The following SLC22A6 variants were observed in gnomAD, a reference collection of about 807,000 sequenced individuals.
The protein encoded by SLC22A6 is PAH transporter.
SLC22A6 carries 45 observed loss-of-function variants against 56.7 expected under a neutral mutation model. That is an observed-to-expected ratio of 0.79 (90% CI 0.63 to 1.02). The LOEUF is 1.02. SLC22A6 is among the 50% of genes least tolerant of loss of function. The pLI, the probability that SLC22A6 is intolerant of heterozygous loss-of-function variation, is 0.00. For synonymous variants in SLC22A6, 291 were observed against 295.9 expected, an observed-to-expected ratio of 0.98 and a Z score of 0.17; for missense variants, 606 against 713.8, an observed-to-expected ratio of 0.85 and a Z score of 1.72.
chr11:62,984,015 G>A lies in SLC22A6; in HGVS notation c.402C>T (p.Arg134=). ...WDLVCSHRAL[R]QLAQSLYMVG... is the part of the protein sequence containing the mutation. Reference sequence around the variant, plus strand: ...CCATGTACAAGGACTGGGCCAGCTGGCGTAGGGCCCTGTGAGAGCACACAA... The same window carrying A: ...CCATGTACAAGGACTGGGCCAGCTGACGTAGGGCCCTGTGAGAGCACACAA... The change falls in exon 2 of 10, where the codon CGC becomes CGT. Residue 134 remains arginine, a synonymous_variant. Transcript: ENST00000360421. 2 of 1,613,794 alleles carry A rather than the reference G, an allele frequency of 1.2e-6. No homozygotes were observed. Among genetic ancestry groups the A allele is most frequent in the Non-Finnish European group, 1.7e-6 (2 of 1,179,814 alleles).
chr11:62,983,428 G>A lies in SLC22A6; in HGVS notation c.628+109C>T. On this transcript the variant is annotated intron_variant, in intron 3 of 9. Coordinates refer to ENST00000360421, the MANE Select transcript of SLC22A6 (RefSeq NM_153276.3). This position sits in a 1 kb window ranked among gnomAD's most constrained non-coding sequence, Gnocchi z 4.5. Reference sequence around the variant, plus strand: ...ATTGGCAGGAAGGTGAGACCCGAGAGAGGCTGGAGGGCAGGCAGGGCTCAG... The same window carrying A: ...ATTGGCAGGAAGGTGAGACCCGAGAAAGGCTGGAGGGCAGGCAGGGCTCAG... 1 of 1,131,658 alleles carries A rather than the reference G, an allele frequency of 8.8e-7. No individual in the cohort carries two copies. Among genetic ancestry groups the A allele is most frequent in the Admixed American group, 2.4e-5 (1 of 41,282 alleles). 70.1% of individuals were successfully genotyped at this position (1,131,658 alleles called of 1,614,324 possible).
In SLC22A6 at chr11:62,981,309, ACT is replaced by A. The variant is rs757572823; in HGVS notation, c.870_871del (p.Arg290SerfsTer60). ...TTCCCGCTTCCCATTGATCCGGGCGACTCTCTGCAGGGCCCTCAGGGTGAGGT... is the reference window on the plus strand; with the variant it reads ...TTCCCGCTTCCCATTGATCCGGGCGACTCTGCAGGGCCCTCAGGGTGAGGT... On this transcript the variant is annotated frameshift_variant, in exon 5 of 10. Transcript: ENST00000360421. LOFTEE classifies it high-confidence loss of function. 3 of 1,602,294 alleles carry A rather than the reference ACT, an allele frequency of 1.9e-6. No individual in the cohort carries two copies. Among genetic ancestry groups the A allele is most frequent in the Non-Finnish European group, 2.6e-6 (3 of 1,176,050 alleles).
At position 62,976,848 on chromosome 11, in the gene SLC22A6, G is replaced by C; in HGVS notation, c.1599C>G (p.His533Gln). Residue 533 changes from histidine (H) to glutamine (Q), a missense_variant, in exon 10 of 10, where the codon CAC (histidine) becomes CAG (glutamine). Transcript: ENST00000360421. Reference sequence around the variant, plus strand: ...CCTGCAGTGGGACCATATACTTCTGGTGCTCTTGTTGCTGTCGCGTCTGTT... The same window carrying C: ...CCTGCAGTGGGACCATATACTTCTGCTGCTCTTGTTGCTGTCGCGTCTGTT... ...KGKQTRQQQE[H>Q]QKYMVPLQAS... 1 of 1,614,058 alleles carries C rather than the reference G, an allele frequency of 6.2e-7. No homozygotes were observed. The highest frequency in any genetic ancestry group is 8.5e-7 in the Non-Finnish European group (1 of 1,179,984).
Position 62,984,685 on chromosome 11 carries a change from G to A in SLC22A6, c.6C>T (p.Ala2=), listed in dbSNP as rs781303443. 2 of 1,612,410 alleles carry A rather than the reference G, an allele frequency of 1.2e-6. No individual in the cohort carries two copies. Residue 2 remains alanine (A), a synonymous_variant, in exon 1 of 10, where the codon GCC becomes GCT. Coordinates refer to ENST00000360421, the MANE Select transcript of SLC22A6 (RefSeq NM_153276.3). M[A]FNDLLQQVGG... is the part of the protein sequence containing the mutation. ...CCACCTGCTGCAGGAGGTCATTAAA[G>A]GCCATTGGGCCAGGCCCAGCCCAGT... is the stretch of plus-strand genomic sequence containing the variant.
At chr11:62,980,545 G>T (rs2086241080) in intron 6 of SLC22A6, among the ~76,000 whole-genome samples, 1 of 152,222 alleles carries the variant, frequency 6.6e-6, no homozygotes, top group South Asian at 2.1e-4. Flanking sequence ...GTGTTGCAAA[G>T]GGAAAGGAAG....
At chr11:62,980,924 T>A (rs901732353) in intron 6 of SLC22A6, 61 bp downstream of exon 6, 2 of 1,381,398 alleles carry the variant, frequency 1.4e-6, no homozygotes, top group Non-Finnish European at 2.0e-6. Context: ...CTTTCACCCA[T>A]TGTGTCTCCT....
rs2086192634 is a variant in SLC22A6 at position 62,976,758 on chromosome 11, C to T, written c.*36G>A. ...TGGCCGGAGACCTGTAGGACCTTCC[C>T]TCCCTTTAGGGTTCTGTAAGGCCCC... is the stretch of plus-strand genomic sequence containing the variant. On this transcript the variant is annotated 3_prime_UTR_variant, in exon 10 of 10. Coordinates refer to ENST00000360421, the MANE Select transcript of SLC22A6 (RefSeq NM_153276.3). 1.3e-6 allele frequency: 2 copies of T among 1,564,864 alleles called. No homozygotes were observed. The highest frequency in any genetic ancestry group is 8.7e-7 in the Non-Finnish European group (1 of 1,144,454).
rs760201276 is a variant in SLC22A6, at chr11:62,977,293, G to T, written c.1456C>A (p.Pro486Thr). 6.2e-7 allele frequency: 1 copy of T among 1,613,946 alleles called. No individual in the cohort carries two copies. The highest frequency in any genetic ancestry group is 1.3e-5 in the African/African-American group (1 of 74,940). ...GGAACAGCACCGTAGATGAAGAGAG[G>T]CATGGAGGGGTAGAGCTCGGCAGTC... ...SMTAELYPSM[P>T]LFIYGAVPVA... The change falls in exon 9 of 10, where the codon CCT becomes ACT. Residue 486 changes from proline (P) to threonine (T), a missense_variant. Coordinates refer to ENST00000360421, the MANE Select transcript of SLC22A6 (RefSeq NM_153276.3).
chr11:62,977,597 C>T (rs2086205484), intron 8 of SLC22A6, among the ~76,000 whole-genome samples: 1 of 152,062 alleles, frequency 6.6e-6, no homozygotes, highest in African/African-American at 2.4e-5. Flanking sequence ...GTCTTAAACT[C>T]CTGGGCTCAA....
At chr11:62,978,432 C>A (rs561168567) in intron 8 of SLC22A6, among the ~76,000 whole-genome samples, 13 of 151,706 alleles carry the variant, frequency 8.6e-5, no homozygotes, top group African/African-American at 3.1e-4. Flanking sequence ...ATTGCAACCT[C>A]CGCCTCCCAG....
intron 4 of SLC22A6, 82 bp from the exon 5 acceptor site, chr11:62,981,465 G>A: frequency 2.5e-6 from 2 of 813,786 alleles, no homozygotes; most frequent in Non-Finnish European, 1.9e-6. Context: ...GGCTTTCTAG[G>A]GGTCTGCGAT....
At chr11:62,982,748 A>T (rs2086269625) in intron 3 of SLC22A6, among the ~76,000 whole-genome samples, 1 of 152,168 alleles carries the variant, frequency 6.6e-6, no homozygotes, top group Non-Finnish European at 1.5e-5. Flanking sequence ...TCAATGGCCC[A>T]TGGAGAGACC....
chr11:62,984,866 T>G lies in SLC22A6; in HGVS notation c.-176A>C. 1.6e-6 allele frequency: 1 copy of G among 627,904 alleles called. No homozygotes were observed. Among genetic ancestry groups the G allele is most frequent in the Non-Finnish European group, 2.7e-6 (1 of 363,916 alleles). 38.9% of individuals were successfully genotyped at this position (627,904 alleles called of 1,614,324 possible). ...GTGGGGGGACAGCAGCCTCCTTGGC[T>G]GCTCCTCCTTCTTCCCCGGTCTCCC... On this transcript the variant is annotated 5_prime_UTR_variant, in exon 1 of 10. Coordinates refer to ENST00000360421, the MANE Select transcript of SLC22A6 (RefSeq NM_153276.3).
rs569879424 is a variant in SLC22A6 at position 62,984,091 on chromosome 11, T to C, written c.370-44A>G. The C allele has an allele frequency of 7.3e-5, 102 of 1,405,002 alleles. 1 individual carries two copies. In the South Asian group the frequency reaches 1.1e-3, roughly 16 times the overall value. 87.0% of individuals were successfully genotyped at this position (1,405,002 alleles called of 1,614,324 possible). A position where few individuals can be genotyped will look rare whatever the true frequency, so the allele number is the denominator to read the frequency against. ...GGGTCAGGCAGAGATGAGCCTGGCT[T>C]CAGAGAATCCCCTTCCCCCACTTCA... On this transcript the variant is annotated intron_variant, in intron 1 of 9. Coordinates refer to ENST00000360421, the MANE Select transcript of SLC22A6 (RefSeq NM_153276.3).
chr11:62,982,642 A>C (rs969480093), intron 3 of SLC22A6, among the ~76,000 whole-genome samples: 3 of 152,204 alleles, frequency 2.0e-5, no homozygotes. Flanking sequence ...TGGTTGAGGA[A>C]TGCCCTTGGG....
rs140461543 is a variant in SLC22A6 at position 62,981,015 on chromosome 11, C to T, written c.1007G>A (p.Arg336His). The T allele has an allele frequency of 8.1e-6, 13 of 1,609,758 alleles. No individual in the cohort carries two copies. Among genetic ancestry groups the T allele is most frequent in the South Asian group, 5.5e-5 (5 of 90,712 alleles). Residue 336 changes from arginine to histidine, a missense_variant, in exon 6 of 10, where the codon CGC becomes CAC. Arg to His is a conservative substitution (Grantham distance 29, BLOSUM62 0). Coordinates refer to ENST00000360421, the MANE Select transcript of SLC22A6 (RefSeq NM_153276.3). ...AMELLRCPTL[R>H]HLFLCLSMLW... Reference sequence around the variant, plus strand: ...CATGGAGAGGCAGAGGAAGAGGTGGCGGAGGGTGGGGCAGCGCAGCAGCTC... The same window carrying T: ...CATGGAGAGGCAGAGGAAGAGGTGGTGGAGGGTGGGGCAGCGCAGCAGCTC...
intron 3 of SLC22A6, 93 bp from the exon 4 acceptor site, chr11:62,982,103 G>A: frequency 3.1e-6 from 4 of 1,279,072 alleles, no homozygotes; most frequent in Non-Finnish European, 4.3e-6. Context: ...CCTGTCCCAA[G>A]GCTCAGTGGA....
chr11:62,984,270 A>G, intron 1 of SLC22A6, 52 bp downstream of exon 1: 1 of 1,551,016 alleles, frequency 6.4e-7, no homozygotes, highest in East Asian at 2.2e-5. Context: ...TTTTTAACAA[A>G]GGCCCCCATC....
rs746911474 is a variant in SLC22A6, at chr11:62,979,853, T to C, written c.1133A>G (p.Asp378Gly). The change falls in exon 7 of 10, where the codon GAC becomes GGC. Residue 378 changes from aspartate to glycine, a missense_variant. By Grantham distance (94) the Asp-to-Gly change is moderately conservative. Coordinates refer to ENST00000360421, the MANE Select transcript of SLC22A6 (RefSeq NM_153276.3). The stretch of plus-strand genomic sequence containing the variant: ...GAAGCCCACAAGCTTGGCAGGCAGG[T>C]CCACAGCACCAAAGATCACCTGGAT... ...YLIQVIFGAV[D>G]LPAKLVGFLV... is the part of the protein sequence containing the mutation. 1 of 1,614,120 alleles carries C rather than the reference T, an allele frequency of 6.2e-7. No homozygotes were observed. The highest frequency in any genetic ancestry group is 1.1e-5 in the South Asian group (1 of 91,088).
Sources: allele counts gnomAD v4.1 joint callset (sites outside exome capture counted in the v4.1 genomes callset), GRCh38; gene constraint gnomAD v4.1.1; non-coding constraint Gnocchi (gnomAD v3.1); transcripts MANE v1.5; gene names NCBI Gene and HGNC (gene_info 2026-07-23, HGNC 2026-07-21).